KLF17: variants seen among roughly 807,000 people sequenced by gnomAD.
KLF17 encodes the protein Krueppel-like factor 17.
In KLF17, 31 loss-of-function variants were observed where a neutral mutation model predicts 34.2. The ratio of observed to expected loss-of-function variants is 0.91; its 90% CI spans 0.68 to 1.22. The LOEUF (loss-of-function observed/expected upper bound fraction) is 1.22, where lower values mean the gene tolerates loss of function less well. KLF17 is among the 50% of genes most tolerant of loss of function. KLF17 has a pLI of 0.00. For missense variants in KLF17, 478 were observed against 505.2 expected (o/e 0.95, Z 0.52); for synonymous variants, 179 against 186.7 (o/e 0.96, Z 0.34).
the KLF17 span, among the ~76,000 whole-genome samples, chr1:44,067,545 C>A: frequency 2.6e-5 from 4 of 152,134 alleles, no homozygotes; most frequent in East Asian, 5.8e-4. Flanking sequence ...GAAAGCTAAG[C>A]AAGTGTGTGG....
chr1:44,070,374 G>C, the KLF17 span, among the ~76,000 whole-genome samples: 2 of 151,936 alleles, frequency 1.3e-5, no homozygotes, highest in Admixed American at 6.6e-5. Context: ...AATTTCCATT[G>C]TCTGTCATTC....
the KLF17 span, among the ~76,000 whole-genome samples, chr1:44,083,839 G>A: frequency 6.7e-6 from 1 of 149,776 alleles, no homozygotes; most frequent in African/African-American, 2.5e-5. Context: ...CCATGCCCCT[G>A]AGGCAGACAT....
chr1:44,109,883 A>G, the KLF17 span, among the ~76,000 whole-genome samples: 167 of 147,268 alleles, frequency 1.1e-3, 1 homozygote, highest in Middle Eastern at 0.021. Flanking sequence ...CCATATACAT[A>G]TATCTTTTTT....
chr1:44,103,179 G>A, the KLF17 span: 6 of 579,710 alleles, frequency 1.0e-5, no homozygotes, highest in Non-Finnish European at 1.5e-5. Flanking sequence ...CTCCGCAGGT[G>A]GGCTGAGGGC....
upstream of KLF17, chr1:44,117,347 G>C (rs567026990): frequency 7.9e-5 from 12 of 152,282 alleles, no homozygotes; most frequent in African/African-American, 2.2e-4. Flanking sequence ...GTGGTCTCCC[G>C]CCTCAGCCTC....
chr1:44,097,238 ACCAGTACCATGCTGTTTTG>A, the KLF17 span, among the ~76,000 whole-genome samples: 1 of 150,328 alleles, frequency 6.7e-6, no homozygotes, highest in Admixed American at 6.6e-5. Context: ...CTGTTTTGGT[ACCAGTACCATGCTGTTTTG>A]GTTACTGTAG....
At chr1:44,048,614 T>G in the KLF17 span, 3 of 152,236 alleles carry the variant, frequency 2.0e-5, no homozygotes, top group African/African-American at 7.2e-5. Flanking sequence ...CAAATGAATA[T>G]TTGGGGCTTT....
intron 3 of KLF17, among the ~76,000 whole-genome samples, chr1:44,132,207 G>A (rs954111559): frequency 6.6e-6 from 1 of 152,120 alleles, no homozygotes; most frequent in African/African-American, 2.4e-5. Context: ...TCGAGAGGCT[G>A]AGGCAGGAGA....
At chr1:44,073,209 C>CTTT in the KLF17 span, among the ~76,000 whole-genome samples, 1,296 of 137,760 alleles carry the variant, frequency 9.4e-3, 19 homozygotes, top group African/African-American at 0.032. Flanking sequence ...TCTTCTTCTT[C>CTTT]TTTTTTTTTT....
At position 44,129,807 on chromosome 1, in the gene KLF17, A is replaced by C. The variant is rs2088082612; in HGVS notation, c.536A>C (p.Tyr179Ser). The C allele has an allele frequency of 4.3e-6, 7 of 1,613,986 alleles. No homozygotes were observed. The highest frequency in any genetic ancestry group is 5.9e-6 in the Non-Finnish European group (7 of 1,180,002). ...CACACTGGGAACCCTCCAGTGCCTT[A>C]CCCTGGCCTCTCGACAGTACCTTCT... ...MSHTGNPPVP[Y>S]PGLSTVPSDE... Residue 179 changes from tyrosine (Y) to serine (S), a missense_variant, in exon 2 of 4, where the codon TAC (tyrosine) becomes TCC (serine). Physicochemically the swap from Tyr to Ser is moderately radical, Grantham distance 144. Transcript: ENST00000372299.
the KLF17 span, among the ~76,000 whole-genome samples, chr1:44,091,953 AC>A: frequency 1.8e-5 from 2 of 109,730 alleles, no homozygotes; most frequent in Admixed American, 1.0e-4. Flanking sequence ...CAACAACAAC[AC>A]ACACACACTC....
the KLF17 span, among the ~76,000 whole-genome samples, chr1:44,059,263 T>C: frequency 2.0e-5 from 3 of 152,276 alleles, no homozygotes; most frequent in South Asian, 6.2e-4. Flanking sequence ...TTCTTCCTGA[T>C]TGTAATCCTT....
chr1:44,124,564 G>T (rs1013143869), intron 1 of KLF17, among the ~76,000 whole-genome samples: 3 of 144,538 alleles, frequency 2.1e-5, no homozygotes, highest in Non-Finnish European at 3.0e-5. Context: ...GCACGATCTC[G>T]GCTCACTGCA....
chr1:44,127,708 CTT>C (rs1209152903), intron 1 of KLF17, among the ~76,000 whole-genome samples: 6 of 96,646 alleles, frequency 6.2e-5, no homozygotes, highest in African/African-American at 2.6e-4. Context: ...TTCTTTCTTT[CTT>C]TCTTCTCTTT....
the KLF17 span, among the ~76,000 whole-genome samples, chr1:44,089,761 G>T: frequency 6.6e-6 from 1 of 152,114 alleles, no homozygotes. Context: ...TAGAACAAAG[G>T]TCAGCAAATA....
intron 1 of KLF17, chr1:44,122,066 A>G: frequency 1.2e-6 from 1 of 826,400 alleles, no homozygotes; most frequent in Non-Finnish European, 2.0e-6. Flanking sequence ...TCCCACTTTT[A>G]TGTTTATTAA....
At chr1:44,103,818 T>C in the KLF17 span, 3 of 822,216 alleles carry the variant, frequency 3.6e-6, no homozygotes, top group Admixed American at 1.8e-5. Flanking sequence ...GCACTCAGTC[T>C]CAGCCTGGAG....
In KLF17 at chr1:44,133,237, G is replaced by A. The variant is rs928597017; in HGVS notation, c.*1-1G>A. ...CTCAAATTTTGAAATAAACTGAACA[G>A]GTGAATGAAGAAGGAAGAGGATTCC... On this transcript the variant is annotated splice_acceptor_variant, in intron 3 of 3. Coordinates refer to ENST00000372299, the MANE Select transcript of KLF17 (RefSeq NM_173484.4). LOFTEE classifies it low-confidence loss of function (3UTR_SPLICE). The A allele has an allele frequency of 6.6e-6, 1 of 152,210 alleles. No individual in the cohort carries two copies. The highest frequency in any genetic ancestry group is 2.4e-5 in the African/African-American group (1 of 41,438). 9.4% of individuals were successfully genotyped at this position (152,210 alleles called of 1,614,324 possible).
chr1:44,044,903 C>T, the KLF17 span: 13,849 of 152,260 alleles, frequency 0.091, 847 homozygotes, highest in African/African-American at 0.18. Context: ...TTTCTCATTT[C>T]GGCTTCTACT....
Sources: gnomAD v4.1 joint callset for allele counts (sites outside exome capture counted in the v4.1 genomes callset) on GRCh38, gnomAD v4.1.1 for gene constraint, MANE v1.5 for transcripts, NCBI Gene and HGNC (gene_info 2026-07-23, HGNC 2026-07-21) for gene names.